GRM5: variants seen among roughly 807,000 people sequenced by gnomAD.
GRM5 encodes the protein glutamate metabotropic receptor 5, also known as metabotropic glutamate receptor 5.
In GRM5, 19 loss-of-function variants were observed where a neutral mutation model predicts 83.1. The observed-to-expected ratio is 0.23, with a 90% CI of 0.16 to 0.34. The LOEUF is 0.34. GRM5 is among the 10% of genes least tolerant of loss of function. GRM5 has a pLI of 1.00. For missense variants in GRM5, 1,160 were observed against 1,588.3 expected (o/e 0.73, Z 4.58); for synonymous variants, 675 against 633.6 (o/e 1.07, Z -0.98).
intron 2 of GRM5, among the ~76,000 whole-genome samples, chr11:88,966,444 C>A (rs1591003600): frequency 6.6e-6 from 1 of 152,062 alleles, no homozygotes; most frequent in African/African-American, 2.4e-5. Flanking sequence ...AAACTCTAGT[C>A]ATACTGGCAA....
At chr11:88,599,744 T>G (rs1472027361) in intron 5 of GRM5, among the ~76,000 whole-genome samples, 1 of 152,190 alleles carries the variant, frequency 6.6e-6, no homozygotes, top group African/African-American at 2.4e-5. Flanking sequence ...TCAGGCACGG[T>G]GGCTCACACC....
chr11:88,711,131 G>A (rs1941270533), intron 3 of GRM5, among the ~76,000 whole-genome samples: 1 of 152,034 alleles, frequency 6.6e-6, no homozygotes, highest in African/African-American at 2.4e-5. Flanking sequence ...ATAATGGGAG[G>A]GAGCAATGGC....
At position 88,567,523 on chromosome 11, in the gene GRM5, C is replaced by A. The variant is rs200130906; in HGVS notation, c.2160G>T (p.Met720Ile). The A allele has an allele frequency of 1.9e-6, 3 of 1,613,832 alleles. No individual in the cohort carries two copies. The highest frequency in any genetic ancestry group is 2.5e-6 in the Non-Finnish European group (3 of 1,179,768). ...CTTCTCGAATGCTTGGGTAGTCATG[C>A]ATTATGTCAGGAGGCTCCATTATAA... is the stretch of plus-strand genomic sequence containing the variant. ...ALFIMEPPDI[M>I]HDYPSIREVY... The change falls in exon 8 of 10, where the codon ATG (methionine) becomes ATT (isoleucine). Residue 720 changes from methionine (M) to isoleucine (I), a missense_variant. Met to Ile is a conservative substitution (Grantham distance 10). Around this residue, in one of 9 missense-constraint regions of GRM5, gnomAD observed 44 missense variants for 41.0 expected, o/e 1.07. Coordinates refer to ENST00000305447, the MANE Select transcript of GRM5 (RefSeq NM_001143831.3). This position sits in a 1 kb window ranked among gnomAD's most constrained non-coding sequence, Gnocchi z 7.3.
chr11:89,009,759 G>T (rs1940632674), intron 2 of GRM5, among the ~76,000 whole-genome samples: 1 of 150,948 alleles, frequency 6.6e-6, no homozygotes, highest in African/African-American at 2.4e-5. Flanking sequence ...AAATTAGCCG[G>T]GCGTGGTAGC....
chr11:89,020,163 G>C (rs1940948183), intron 2 of GRM5, among the ~76,000 whole-genome samples: 1 of 152,174 alleles, frequency 6.6e-6, no homozygotes. Flanking sequence ...TGTGAGTTAA[G>C]CATTTCTGGT....
chr11:88,778,058 C>T (rs562382506), intron 3 of GRM5, among the ~76,000 whole-genome samples: 11 of 152,310 alleles, frequency 7.2e-5, no homozygotes, highest in African/African-American at 2.6e-4. Flanking sequence ...GCCCTGCCCA[C>T]CGAGATGGAG....
At chr11:88,644,737 T>C (rs1394039398) in intron 4 of GRM5, among the ~76,000 whole-genome samples, 3 of 152,152 alleles carry the variant, frequency 2.0e-5, no homozygotes, top group Non-Finnish European at 4.4e-5. Context: ...TAAATAGCTC[T>C]ACACATGAAG....
chr11:88,838,084 C>CAAAAAAAAAAA (rs1157680177), intron 3 of GRM5, among the ~76,000 whole-genome samples: 13 of 55,448 alleles, frequency 2.3e-4, no homozygotes, highest in Non-Finnish European at 2.7e-4. Context: ...GACTCCATCT[C>CAAAAAAAAAAA]AAAAAAAAAA....
intron 3 of GRM5, among the ~76,000 whole-genome samples, chr11:88,759,354 AG>A (rs923841125): frequency 6.6e-6 from 1 of 152,112 alleles, no homozygotes; most frequent in Non-Finnish European, 1.5e-5. Flanking sequence ...TGACACACAA[AG>A]GTTCAAAATT....
At chr11:88,974,497 T>A (rs1383510726) in intron 2 of GRM5, among the ~76,000 whole-genome samples, 1 of 152,136 alleles carries the variant, frequency 6.6e-6, no homozygotes, top group African/African-American at 2.4e-5. Flanking sequence ...AATTGGTGTA[T>A]GTATGAATGA....
intron 3 of GRM5, among the ~76,000 whole-genome samples, chr11:88,749,864 T>G (rs1565213384): frequency 1.3e-5 from 2 of 151,536 alleles, no homozygotes; most frequent in East Asian, 3.9e-4. Context: ...TAAGGAGAAT[T>G]TTTTTTTGAG....
intron 3 of GRM5, among the ~76,000 whole-genome samples, chr11:88,826,410 A>G (rs1471888300): frequency 2.0e-5 from 3 of 151,676 alleles, no homozygotes; most frequent in African/African-American, 7.2e-5. Flanking sequence ...ATTATCAACT[A>G]CAAATACACA....
intron 2 of GRM5, among the ~76,000 whole-genome samples, chr11:88,976,574 T>G (rs1939343912): frequency 6.6e-6 from 1 of 152,082 alleles, no homozygotes; most frequent in Admixed American, 6.6e-5. Flanking sequence ...TAATAATTGC[T>G]GTTATTATGT....
intron 3 of GRM5, among the ~76,000 whole-genome samples, chr11:88,666,983 A>C (rs1332066584): frequency 6.6e-6 from 1 of 152,224 alleles, no homozygotes; most frequent in African/African-American, 2.4e-5. Context: ...AATCATTAGA[A>C]TCAATAGAGT....
chr11:88,616,796 G>T (rs1483373149), intron 4 of GRM5, among the ~76,000 whole-genome samples: 3 of 152,058 alleles, frequency 2.0e-5, no homozygotes, highest in Admixed American at 6.6e-5. Context: ...TACAAAAATT[G>T]CCTGTTTACA....
At chr11:88,555,539 T>G (rs1054422552) in intron 8 of GRM5, among the ~76,000 whole-genome samples, 2 of 152,162 alleles carry the variant, frequency 1.3e-5, no homozygotes, top group Admixed American at 1.3e-4. Flanking sequence ...TTTACCAAGT[T>G]GTGGTCTCTC....
intron 2 of GRM5, among the ~76,000 whole-genome samples, chr11:88,885,840 T>C (rs140834344): frequency 5.1e-4 from 77 of 152,234 alleles, no homozygotes; most frequent in African/African-American, 1.9e-3. Flanking sequence ...GGTAGACAAG[T>C]GAGCTGAGAG....
intron 2 of GRM5, among the ~76,000 whole-genome samples, chr11:88,851,320 A>C (rs1349478361): frequency 6.6e-6 from 1 of 152,190 alleles, no homozygotes; most frequent in Non-Finnish European, 1.5e-5. Flanking sequence ...CAAGATAACC[A>C]AGCTGTAGAA....
chr11:88,998,107 T>G (rs1591034419), intron 2 of GRM5, among the ~76,000 whole-genome samples: 1 of 140,894 alleles, frequency 7.1e-6, no homozygotes, highest in Non-Finnish European at 1.5e-5. Context: ...AAGCGAGCAG[T>G]AAAGAAGGAA....
Sources: gnomAD v4.1 joint callset for allele counts (sites outside exome capture counted in the v4.1 genomes callset) on GRCh38, gnomAD v4.1.1 for gene constraint, gnomAD v4.1.1 regional missense constraint, Gnocchi (gnomAD v3.1) non-coding constraint, MANE v1.5 for transcripts, NCBI Gene and HGNC (gene_info 2026-07-23, HGNC 2026-07-21) for gene names.